Variants in NR3C1 observed in about 807,000 individuals in gnomAD.
The protein encoded by NR3C1 is glucocorticoid receptor.
Under a neutral mutation model 74.0 loss-of-function variants are expected in NR3C1, and 14 were observed. The ratio of observed to expected loss-of-function variants is 0.19; its 90% CI spans 0.12 to 0.30. The LOEUF (loss-of-function observed/expected upper bound fraction) is 0.30, where lower values mean the gene tolerates loss of function less well. NR3C1 is among the 10% of genes least tolerant of loss of function. The pLI, the probability that NR3C1 is intolerant of heterozygous loss-of-function variation, is 1.00. For synonymous variants in NR3C1, 308 were observed against 332.5 expected, an observed-to-expected ratio of 0.93 and a Z score of 0.80; for missense variants, 695 against 909.8, an observed-to-expected ratio of 0.76 and a Z score of 3.04.
chr5:143,353,035 T>C (rs1218346320), intron 2 of NR3C1, among the ~76,000 whole-genome samples: 2 of 152,250 alleles, frequency 1.3e-5, no homozygotes, highest in South Asian at 2.1e-4. Flanking sequence ...ATTAAGTTTA[T>C]GTAATACTCT....
chr5:143,348,113 C>T (rs906013573), intron 2 of NR3C1, among the ~76,000 whole-genome samples: 1 of 152,170 alleles, frequency 6.6e-6, no homozygotes, highest in Non-Finnish European at 1.5e-5. Flanking sequence ...AGCATTCTAG[C>T]CCACAGTTGT....
chr5:143,404,134 C>G (rs2151950736), upstream of NR3C1: 1 of 985,406 alleles, frequency 1.0e-6, no homozygotes, highest in South Asian at 4.7e-5. Flanking sequence ...GCCAGTGCCC[C>G]TGCGGGTGAC....
intron 6 of NR3C1, among the ~76,000 whole-genome samples, chr5:143,295,879 CTTATAGAACTTA>C (rs1817060668): frequency 6.6e-6 from 1 of 152,052 alleles, no homozygotes. Context: ...TGTTAGAATT[CTTATAGAACTTA>C]TTACTAGTTG....
chr5:143,323,774 AGGG>A (rs1823922858), intron 2 of NR3C1, among the ~76,000 whole-genome samples: 3 of 151,336 alleles, frequency 2.0e-5, no homozygotes, highest in Admixed American at 1.3e-4. Context: ...CAAGGGCCGG[AGGG>A]ATGGGGGGCA....
intron 2 of NR3C1, among the ~76,000 whole-genome samples, chr5:143,331,758 G>GTTCC (rs1825988608): frequency 6.6e-6 from 1 of 152,170 alleles, no homozygotes; most frequent in African/African-American, 2.4e-5. Flanking sequence ...CACAAAGAAG[G>GTTCC]GAAGGACAGA....
rs898326044 is a variant in NR3C1 at position 143,280,726 on chromosome 5, G to A, written c.*1163C>T. The A allele has an allele frequency of 1.3e-5, 2 of 152,448 alleles. No individual in the cohort carries two copies. The highest frequency in any genetic ancestry group is 4.8e-5 in the African/African-American group (2 of 41,430). 9.4% of individuals were successfully genotyped at this position (152,448 alleles called of 1,614,324 possible). On this transcript the variant is annotated 3_prime_UTR_variant, in exon 9 of 9. Transcript: ENST00000394464. ...TAACCAATTGGTGACAGATGGGAATGTGAAAATGGGTGTCTAGCCATTTTT... is the reference window on the plus strand; with the variant it reads ...TAACCAATTGGTGACAGATGGGAATATGAAAATGGGTGTCTAGCCATTTTT...
intron 2 of NR3C1, among the ~76,000 whole-genome samples, chr5:143,380,434 C>T (rs1034721594): frequency 2.1e-4 from 32 of 152,010 alleles, no homozygotes; most frequent in African/African-American, 7.5e-4. Context: ...AGAGGCAGAA[C>T]CTTAGTATTA....
At chr5:143,390,166 C>T (rs1052398660) in intron 2 of NR3C1, among the ~76,000 whole-genome samples, 4 of 152,020 alleles carry the variant, frequency 2.6e-5, no homozygotes, top group Non-Finnish European at 4.4e-5. Context: ...GTAAACATGA[C>T]TAAATTTAGC....
chr5:143,390,423 G>C (rs1838021575), intron 2 of NR3C1, among the ~76,000 whole-genome samples: 1 of 152,062 alleles, frequency 6.6e-6, no homozygotes, highest in African/African-American at 2.4e-5. Flanking sequence ...AACTGTTTGG[G>C]AGACTGTTGT....
At chr5:143,434,404 C>T in intron 1 of NR3C1, 2 of 321,662 alleles carry the variant, frequency 6.2e-6, no homozygotes, top group Non-Finnish European at 9.0e-6. Context: ...TTAAACTATC[C>T]AGCACACAAC....
intron 2 of NR3C1, among the ~76,000 whole-genome samples, chr5:143,321,840 A>G (rs1823453550): frequency 6.6e-6 from 1 of 152,226 alleles, no homozygotes; most frequent in African/African-American, 2.4e-5. Flanking sequence ...ACACTGCCAT[A>G]TAGCACTTTG....
At chr5:143,405,695 T>C (rs1236364786), upstream of NR3C1, among the ~76,000 whole-genome samples, 1 of 152,118 alleles carries the variant, frequency 6.6e-6, no homozygotes, top group African/African-American at 2.4e-5. Context: ...GAACCAACCG[T>C]ATGCCAACGT....
intron 2 of NR3C1, among the ~76,000 whole-genome samples, chr5:143,323,528 G>A (rs543286145): frequency 5.9e-4 from 90 of 152,148 alleles, no homozygotes; most frequent in African/African-American, 2.0e-3. Context: ...TACAATTCAA[G>A]TTGAGATTAG....
At chr5:143,317,051 G>C (rs1351038240) in intron 2 of NR3C1, among the ~76,000 whole-genome samples, 1 of 152,116 alleles carries the variant, frequency 6.6e-6, no homozygotes, top group Non-Finnish European at 1.5e-5. Context: ...CATCAGATAA[G>C]AACTGAGTAC....
At chr5:143,361,153 G>T (rs1458003563) in intron 2 of NR3C1, among the ~76,000 whole-genome samples, 1 of 152,118 alleles carries the variant, frequency 6.6e-6, no homozygotes, top group Non-Finnish European at 1.5e-5. Flanking sequence ...TTGATTGTTA[G>T]ATTAAGCTAG....
At chr5:143,421,284 C>T (rs1250622897) in intron 1 of NR3C1, among the ~76,000 whole-genome samples, 3 of 152,184 alleles carry the variant, frequency 2.0e-5, no homozygotes, top group Non-Finnish European at 4.4e-5. Context: ...CTCAGAAGGG[C>T]TTGCATGTTT....
chr5:143,405,316 C>A (rs1310246325), upstream of NR3C1: 1 of 985,638 alleles, frequency 1.0e-6, no homozygotes, highest in South Asian at 4.7e-5. Flanking sequence ...GGGCGCTCGG[C>A]CACAGCCACT....
chr5:143,293,959 G>T, intron 7 of NR3C1: 1 of 982,580 alleles, frequency 1.0e-6, no homozygotes, highest in Non-Finnish European at 1.2e-6. Context: ...AGAATTTTAT[G>T]TAACTGCTTA....
At chr5:143,431,403 T>C (rs985777298) in intron 1 of NR3C1, among the ~76,000 whole-genome samples, 3 of 152,064 alleles carry the variant, frequency 2.0e-5, no homozygotes, top group Middle Eastern at 3.4e-3. Flanking sequence ...ATAAGAAAAA[T>C]TGGTGTTATG....
Sources: gnomAD v4.1 joint callset for allele counts (sites outside exome capture counted in the v4.1 genomes callset) on GRCh38, gnomAD v4.1.1 for gene constraint, MANE v1.5 for transcripts, NCBI Gene and HGNC (gene_info 2026-07-23, HGNC 2026-07-21) for gene names.